PDE7B: variants seen among roughly 807,000 people sequenced by gnomAD.
PDE7B encodes the protein 3',5'-cyclic-AMP phosphodiesterase 7B.
PDE7B carries 29 observed loss-of-function variants against 56.2 expected under a neutral mutation model. That is an observed-to-expected ratio of 0.52 (90% CI 0.38 to 0.70). PDE7B has a LOEUF of 0.70. Ranked by LOEUF, PDE7B falls within the 30% of genes least tolerant of loss-of-function variation. PDE7B has a pLI of 0.00. For missense variants in PDE7B, 490 were observed against 565.0 expected (o/e 0.87, Z 1.35); for synonymous variants, 197 against 196.9 (o/e 1.00, Z 0.00).
chr6:135,942,610 T>C (rs1446809984), intron 1 of PDE7B, among the ~76,000 whole-genome samples: 1 of 152,178 alleles, frequency 6.6e-6, no homozygotes, highest in African/African-American at 2.4e-5. Flanking sequence ...TGTAAAATTT[T>C]GTAATATTTT....
rs1379169008 is a variant in PDE7B, at chr6:136,134,736, A to C, written c.167-12615A>C. Among the ~76,000 whole-genome samples the C allele has an allele frequency of 4.1e-4, 4 of 9,666 alleles. No homozygotes were observed. The African/African-American group carries it at 4.2e-3, about 10-fold the overall frequency. The allele number at this position is 9,666 out of a possible 152,430, so 6.3% of individuals were successfully genotyped here. On this transcript the variant is annotated intron_variant, in intron 3 of 12. Transcript: ENST00000308191. ...GTTGGGATGGAGTTTATGGTAGGCAAAAAAAAAAAAAAAAAAAAAAATTGA... is the reference window on the plus strand; with the variant it reads ...GTTGGGATGGAGTTTATGGTAGGCACAAAAAAAAAAAAAAAAAAAAATTGA...
chr6:135,913,251 C>A (rs2128194105), intron 1 of PDE7B, among the ~76,000 whole-genome samples: 1 of 152,284 alleles, frequency 6.6e-6, no homozygotes, highest in Middle Eastern at 3.4e-3. Flanking sequence ...TGATAACTTA[C>A]CCAATGTCAC....
intron 2 of PDE7B, chr6:136,070,378 C>A (rs925860079): frequency 6.6e-6 from 1 of 151,988 alleles, no homozygotes; most frequent in Non-Finnish European, 1.5e-5. Context: ...ACAATGATAT[C>A]CAGTTAGAAT....
intron 1 of PDE7B, among the ~76,000 whole-genome samples, chr6:135,869,192 A>G (rs1254039555): frequency 6.6e-6 from 1 of 152,186 alleles, no homozygotes; most frequent in East Asian, 1.9e-4. Context: ...TGGGGTGGAT[A>G]GAGACTGCTT....
At chr6:135,876,549 G>T (rs1033436941) in intron 1 of PDE7B, among the ~76,000 whole-genome samples, 1 of 152,036 alleles carries the variant, frequency 6.6e-6, no homozygotes, top group Admixed American at 6.6e-5. Context: ...TTATATAGTC[G>T]ATAGATATGT....
rs370714929 is a variant in PDE7B, at chr6:135,900,439, C to T, written c.22-47025C>T. Among the ~76,000 whole-genome samples, 4 of 152,026 alleles carry T rather than the reference C, an allele frequency of 2.6e-5. No individual in the cohort carries two copies. The East Asian group carries it at 7.7e-4, about 29-fold the overall frequency. ...AGATTTCCCAGTGTTTTCTCTAGGTCTTTGATCCAGTTTTCTATAGTATTA... is the reference window on the plus strand; with the variant it reads ...AGATTTCCCAGTGTTTTCTCTAGGTTTTTGATCCAGTTTTCTATAGTATTA... On this transcript the variant is annotated intron_variant, in intron 1 of 12. Transcript: ENST00000308191.
intron 1 of PDE7B, among the ~76,000 whole-genome samples, chr6:135,935,161 GAC>G (rs1289762114): frequency 1.6e-5 from 1 of 63,476 alleles, no homozygotes; most frequent in African/African-American, 7.9e-5. Context: ...AAATATATGA[GAC>G]AGAGAATTTT....
At chr6:136,189,768 G>A (rs942212126) in intron 12 of PDE7B, among the ~76,000 whole-genome samples, 8 of 142,744 alleles carry the variant, frequency 5.6e-5, no homozygotes, top group African/African-American at 2.1e-4. Context: ...CAACAGCCCA[G>A]CAATGTCAGC....
intron 1 of PDE7B, among the ~76,000 whole-genome samples, chr6:135,938,374 C>T (rs1469058391): frequency 1.3e-5 from 2 of 152,172 alleles, no homozygotes; most frequent in Non-Finnish European, 2.9e-5. Context: ...GCATTGCAAA[C>T]TTCTGACATT....
chr6:135,851,783 T>C lies in PDE7B; in HGVS notation c.-216T>C. Reference sequence around the variant, plus strand: ...AGTGGTGTTACTCACCCAGGGAGAGTCTCTCTTTCTACCTTCCTTCTTTCT... The same window carrying C: ...AGTGGTGTTACTCACCCAGGGAGAGCCTCTCTTTCTACCTTCCTTCTTTCT... On this transcript the variant is annotated 5_prime_UTR_variant, in exon 1 of 13. Coordinates refer to ENST00000308191, the MANE Select transcript of PDE7B (RefSeq NM_018945.4). 1 of 509,926 alleles carries C rather than the reference T, an allele frequency of 2.0e-6. No homozygotes were observed. 31.6% of individuals were successfully genotyped at this position (509,926 alleles called of 1,614,324 possible). A position where few individuals can be genotyped will look rare whatever the true frequency, so the allele number is the denominator to read the frequency against.
At chr6:136,145,190 T>C (rs4295500) in intron 3 of PDE7B, among the ~76,000 whole-genome samples, 70,650 of 151,940 alleles carry the variant, frequency 0.46, 17,088 homozygotes, top group African/African-American at 0.61. Context: ...TTTCCTTATT[T>C]ATTTACTTAT....
chr6:135,884,648 T>C (rs1775669775), intron 1 of PDE7B, among the ~76,000 whole-genome samples: 1 of 152,218 alleles, frequency 6.6e-6, no homozygotes, highest in African/African-American at 2.4e-5. Flanking sequence ...GTAGTATTTA[T>C]AGAACTCTCT....
rs1022798655 is a variant in PDE7B at position 136,192,228 on chromosome 6, T to C, written c.*388T>C. On this transcript the variant is annotated 3_prime_UTR_variant, in exon 13 of 13. Coordinates refer to ENST00000308191, the MANE Select transcript of PDE7B (RefSeq NM_018945.4). Reference sequence around the variant, plus strand: ...TGAGCGTTTGCTATCTGACTGCTGATCTGCGTGACAGAAACACCAGCATAT... The same window carrying C: ...TGAGCGTTTGCTATCTGACTGCTGACCTGCGTGACAGAAACACCAGCATAT... The C allele has an allele frequency of 1.0e-4, 21 of 207,956 alleles. No homozygotes were observed. The highest frequency in any genetic ancestry group is 5.3e-4 in the Admixed American group (10 of 18,790). 12.9% of individuals were successfully genotyped at this position (207,956 alleles called of 1,614,324 possible).
At chr6:136,092,421 T>C (rs1777403165) in intron 2 of PDE7B, among the ~76,000 whole-genome samples, 1 of 152,132 alleles carries the variant, frequency 6.6e-6, no homozygotes, top group Admixed American at 6.5e-5. Flanking sequence ...GCAAAAATTG[T>C]CTAAATTTTC....
At chr6:135,916,392 C>CTT (rs566408380) in intron 1 of PDE7B, among the ~76,000 whole-genome samples, 18,112 of 95,770 alleles carry the variant, frequency 0.19, 2,636 homozygotes, top group African/African-American at 0.31. Flanking sequence ...TCTTTTCTTT[C>CTT]TTTTTTTTTT....
intron 2 of PDE7B, among the ~76,000 whole-genome samples, chr6:136,104,279 C>A (rs548624873): frequency 1.3e-5 from 2 of 152,286 alleles, no homozygotes; most frequent in South Asian, 2.1e-4. Context: ...AGGCTGTCAA[C>A]GCTTCCTACC....
intron 3 of PDE7B, among the ~76,000 whole-genome samples, chr6:136,131,356 A>G (rs1247489533): frequency 2.6e-5 from 4 of 152,102 alleles, no homozygotes; most frequent in Non-Finnish European, 4.4e-5. Context: ...TTAAGCAGCA[A>G]GGAAAGGTTT....
chr6:135,906,921 A>G (rs1464160458), intron 1 of PDE7B, among the ~76,000 whole-genome samples: 3 of 143,278 alleles, frequency 2.1e-5, no homozygotes, highest in African/African-American at 5.2e-5. Context: ...TTTACCTTTC[A>G]TATTATATAG....
At chr6:136,098,196 G>A (rs2128216857) in intron 2 of PDE7B, 1 of 150,882 alleles carries the variant, frequency 6.6e-6, no homozygotes. Context: ...GAAGAGAAGT[G>A]GGGAAGGAGA....
Sources: gnomAD v4.1 joint callset for allele counts (sites outside exome capture counted in the v4.1 genomes callset) on GRCh38, gnomAD v4.1.1 for gene constraint, MANE v1.5 for transcripts, NCBI Gene and HGNC (gene_info 2026-07-23, HGNC 2026-07-21) for gene names.